HOMER1: variants seen among roughly 807,000 people sequenced by gnomAD.
HOMER1 encodes homer protein homolog 1.
HOMER1 carries 3 observed loss-of-function variants against 48.9 expected under a neutral mutation model. The observed-to-expected ratio is 0.06, with a 90% CI of 0.03 to 0.16. The LOEUF is 0.16. HOMER1 is among the 10% of genes least tolerant of loss of function. The pLI is 1.00. For synonymous variants in HOMER1, 134 were observed against 146.4 expected, an observed-to-expected ratio of 0.92 and a Z score of 0.61; for missense variants, 247 against 411.4, an observed-to-expected ratio of 0.60 and a Z score of 3.46.
intron 1 of HOMER1, among the ~76,000 whole-genome samples, chr5:79,471,559 A>G (rs1751621481): frequency 6.8e-6 from 1 of 148,062 alleles, no homozygotes; most frequent in Admixed American, 6.6e-5. Context: ...AAGAAAAAAA[A>G]AAAAAAAAAA....
intron 5 of HOMER1, among the ~76,000 whole-genome samples, chr5:79,431,137 C>A (rs983060451): frequency 1.3e-5 from 2 of 152,050 alleles, no homozygotes; most frequent in Non-Finnish European, 2.9e-5. Context: ...TCGAGACCAG[C>A]CTGCCAAAAT....
chr5:79,441,415 T>C (rs1750732073), intron 4 of HOMER1, among the ~76,000 whole-genome samples: 1 of 152,048 alleles, frequency 6.6e-6, no homozygotes, highest in Admixed American at 6.6e-5. Flanking sequence ...TTGGGGAGGC[T>C]ACAAATGTTA....
chr5:79,442,626 T>C (rs1750765258), intron 4 of HOMER1, among the ~76,000 whole-genome samples: 1 of 152,240 alleles, frequency 6.6e-6, no homozygotes, highest in African/African-American at 2.4e-5. Context: ...GTTTCAACCT[T>C]GTTGGCTTAA....
chr5:79,462,605 T>TG (rs1387231004), intron 1 of HOMER1, among the ~76,000 whole-genome samples: 1 of 152,178 alleles, frequency 6.6e-6, no homozygotes, highest in Non-Finnish European at 1.5e-5. Flanking sequence ...CTCAGGCATC[T>TG]GCGTAATAAG....
chr5:79,456,163 A>G (rs1224074953), intron 2 of HOMER1, among the ~76,000 whole-genome samples: 3 of 146,132 alleles, frequency 2.1e-5, no homozygotes, highest in African/African-American at 2.5e-5. Flanking sequence ...AAAAAAAAAA[A>G]GGGATCCCCA....
chr5:79,416,597 T>C (rs886370128), intron 5 of HOMER1, among the ~76,000 whole-genome samples: 6 of 152,326 alleles, frequency 3.9e-5, no homozygotes, highest in African/African-American at 9.6e-5. Context: ...GGCAGCTCCA[T>C]TGGAGATGGC....
intron 5 of HOMER1, among the ~76,000 whole-genome samples, chr5:79,417,300 G>A (rs921598355): frequency 1.6e-4 from 24 of 152,092 alleles, no homozygotes; most frequent in Admixed American, 6.5e-5. Flanking sequence ...CTGCCACCAC[G>A]TCCGGCTAAT....
At chr5:79,500,149 C>T (rs958492260) in intron 1 of HOMER1, among the ~76,000 whole-genome samples, 1 of 152,042 alleles carries the variant, frequency 6.6e-6, no homozygotes, top group African/African-American at 2.4e-5. Flanking sequence ...GTAGCTATAC[C>T]AGCAGGTGCA....
At chr5:79,451,283 T>C (rs766681036) in intron 2 of HOMER1, among the ~76,000 whole-genome samples, 162 bp from the exon 3 acceptor site, 1 of 152,200 alleles carries the variant, frequency 6.6e-6, no homozygotes, top group Non-Finnish European at 1.5e-5. Context: ...TAAGTGATAG[T>C]GTGGAAATAT....
intron 5 of HOMER1, among the ~76,000 whole-genome samples, chr5:79,414,214 C>G (rs1580434017): frequency 1.3e-5 from 2 of 151,544 alleles, no homozygotes; most frequent in East Asian, 1.9e-4. Flanking sequence ...TCCTGAGTAG[C>G]TGGGACTACA....
intron 5 of HOMER1, among the ~76,000 whole-genome samples, chr5:79,414,536 C>A (rs1410061167): frequency 6.6e-6 from 1 of 151,764 alleles, no homozygotes; most frequent in African/African-American, 2.4e-5. Flanking sequence ...CATACCACCA[C>A]ACTTGACTAA....
intron 1 of HOMER1, among the ~76,000 whole-genome samples, chr5:79,459,283 T>C (rs137874189): frequency 3.0e-3 from 454 of 152,326 alleles, no homozygotes; most frequent in Non-Finnish European, 5.3e-3. Context: ...CCTTACTCAA[T>C]GGAAATGCAA....
At chr5:79,412,683 T>C (rs1465096023) in intron 5 of HOMER1, among the ~76,000 whole-genome samples, 2 of 152,172 alleles carry the variant, frequency 1.3e-5, no homozygotes, top group African/African-American at 4.8e-5. Context: ...ACATTCTCCA[T>C]AGGATATAAA....
At chr5:79,485,826 G>A (rs1476929541) in intron 1 of HOMER1, among the ~76,000 whole-genome samples, 1 of 152,092 alleles carries the variant, frequency 6.6e-6, no homozygotes, top group Non-Finnish European at 1.5e-5. Context: ...CCCCAAAGAT[G>A]GCTGCAACAG....
At chr5:79,448,685 G>C (rs914233300) in intron 3 of HOMER1, among the ~76,000 whole-genome samples, 1 of 152,020 alleles carries the variant, frequency 6.6e-6, no homozygotes, top group African/African-American at 2.4e-5. Context: ...TACTTGCTTT[G>C]TTTATGTAAA....
At chr5:79,446,240 G>A (rs1750876868) in intron 4 of HOMER1, among the ~76,000 whole-genome samples, 1 of 152,028 alleles carries the variant, frequency 6.6e-6, no homozygotes, top group Non-Finnish European at 1.5e-5. Flanking sequence ...GACAATGAGG[G>A]ACCACCCCTA....
At chr5:79,479,299 T>C (rs980762440) in intron 1 of HOMER1, among the ~76,000 whole-genome samples, 1 of 152,158 alleles carries the variant, frequency 6.6e-6, no homozygotes, top group Admixed American at 6.5e-5. Context: ...ACCTAGAACC[T>C]GTGAATGTTG....
At chr5:79,404,855 C>G (rs951201576) in intron 5 of HOMER1, among the ~76,000 whole-genome samples, 1 of 144,868 alleles carries the variant, frequency 6.9e-6, no homozygotes. Flanking sequence ...CCCACCACCA[C>G]GCCCAGCTAT....
intron 1 of HOMER1, among the ~76,000 whole-genome samples, chr5:79,473,564 T>G (rs1466822420): frequency 6.6e-6 from 1 of 152,234 alleles, no homozygotes; most frequent in African/African-American, 2.4e-5. Context: ...CTTTTAAAAT[T>G]CATGCCCTGG....
Sources: gnomAD v4.1 joint callset for allele counts (sites outside exome capture counted in the v4.1 genomes callset) on GRCh38, gnomAD v4.1.1 for gene constraint, MANE v1.5 for transcripts, NCBI Gene and HGNC (gene_info 2026-07-23, HGNC 2026-07-21) for gene names.